Variants in JHY observed in about 807,000 individuals in gnomAD.
JHY encodes jhy protein homolog.
In JHY, 69 loss-of-function variants were observed where a neutral mutation model predicts 78.0. That is an observed-to-expected ratio of 0.88 (90% CI 0.73 to 1.08). The LOEUF is 1.08. JHY is among the 50% of genes least tolerant of loss of function. The pLI is 0.00. For synonymous variants in JHY, 368 were observed against 342.6 expected (o/e 1.07, Z -0.82); for missense variants, 944 against 927.8 (o/e 1.02, Z -0.23).
intron 3 of JHY, among the ~76,000 whole-genome samples, chr11:122,908,961 C>A (rs527873561): frequency 2.0e-5 from 3 of 152,274 alleles, no homozygotes; most frequent in African/African-American, 4.8e-5. Flanking sequence ...TATAAATGAA[C>A]AATTCACAGA....
chr11:122,927,867 A>C (rs1863544495), intron 4 of JHY, among the ~76,000 whole-genome samples: 1 of 151,226 alleles, frequency 6.6e-6, no homozygotes, highest in Non-Finnish European at 1.5e-5. Context: ...AGTAGCTGGG[A>C]TTACAGGCAC....
intron 3 of JHY, among the ~76,000 whole-genome samples, chr11:122,911,745 A>G (rs985914442): frequency 1.3e-5 from 2 of 151,716 alleles, no homozygotes; most frequent in African/African-American, 2.4e-5. Flanking sequence ...ATCTCTACTA[A>G]AAATACAAAA....
intron 2 of JHY, among the ~76,000 whole-genome samples, chr11:122,895,587 A>T (rs1212424800): frequency 6.6e-6 from 1 of 152,210 alleles, no homozygotes; most frequent in Non-Finnish European, 1.5e-5. Flanking sequence ...TGGCATATGC[A>T]TGTGAAACCG....
chr11:122,897,216 T>C (rs1035237234), intron 2 of JHY, among the ~76,000 whole-genome samples: 1 of 152,062 alleles, frequency 6.6e-6, no homozygotes, highest in Admixed American at 6.6e-5. Flanking sequence ...GTACTATTAT[T>C]ATTTTTTTAA....
chr11:122,904,111 A>G lies in JHY; in HGVS notation c.531A>G (p.Lys177=), dbSNP rs201670330. The part of the protein sequence containing the change: ...QETSMELSGG[K]GEQKESPQSA... ...CGTCAATGGAACTCTCCGGGGGAAA[A>G]GGCGAGCAGAAAGAGAGTCCACAGA... Residue 177 remains lysine (K), a synonymous_variant, in exon 3 of 9, where the codon AAA becomes AAG. Transcript: ENST00000227349. 3.7e-6 allele frequency: 6 copies of G among 1,614,096 alleles called. No homozygotes were observed. Among genetic ancestry groups the G allele is most frequent in the Non-Finnish European group, 4.2e-6 (5 of 1,180,026 alleles).
At chr11:122,957,811 T>TCA (rs113733119) in intron 8 of JHY, among the ~76,000 whole-genome samples, 8,027 of 149,764 alleles carry the variant, frequency 0.054, 496 homozygotes, top group African/African-American at 0.15. Context: ...ACACACACAG[T>TCA]CACACACACA....
chr11:122,956,381 C>A, intron 6 of JHY, 115 bp from the exon 7 acceptor site: 2 of 768,202 alleles, frequency 2.6e-6, no homozygotes, highest in Non-Finnish European at 4.1e-6. Flanking sequence ...ACAGTGCACA[C>A]AGGCTTTCAT....
In JHY at chr11:122,959,467, A is replaced by T. The variant is rs1591404721; in HGVS notation, c.*22A>T. Reference sequence around the variant, plus strand: ...ATAGACAACATTTGATAGGAAGGAGACCAAAAATGGTCCAGGAATGAACGT... The same window carrying T: ...ATAGACAACATTTGATAGGAAGGAGTCCAAAAATGGTCCAGGAATGAACGT... On this transcript the variant is annotated 3_prime_UTR_variant, in exon 9 of 9. Transcript: ENST00000227349. 2.5e-6 allele frequency: 4 copies of T among 1,609,036 alleles called. No homozygotes were observed. The East Asian group carries it at 8.9e-5, about 36-fold the overall frequency.
At chr11:122,946,988 G>A (rs941096954) in intron 6 of JHY, 196 bp downstream of exon 6, 3 of 556,310 alleles carry the variant, frequency 5.4e-6, no homozygotes, top group Middle Eastern at 4.8e-4. Context: ...AATAGAAGTT[G>A]TTGCTGCCAG....
At chr11:122,925,045 A>G in intron 4 of JHY, 35 bp downstream of exon 4, 1 of 1,442,410 alleles carries the variant, frequency 6.9e-7, no homozygotes, top group Non-Finnish European at 9.8e-7. Flanking sequence ...GTGTGTTTCA[A>G]GCGATACTGC....
chr11:122,950,832 A>G (rs993990948), intron 6 of JHY, among the ~76,000 whole-genome samples: 3 of 152,152 alleles, frequency 2.0e-5, no homozygotes, highest in African/African-American at 7.2e-5. Flanking sequence ...GTCAGGGGAG[A>G]GGAAGGAAAA....
chr11:122,925,903 G>A (rs1158700521), intron 4 of JHY, among the ~76,000 whole-genome samples: 2 of 152,058 alleles, frequency 1.3e-5, no homozygotes, highest in African/African-American at 4.8e-5. Flanking sequence ...TATAGTTCCA[G>A]CTATTCAGGA....
chr11:122,951,299 C>T (rs569699131), intron 6 of JHY, among the ~76,000 whole-genome samples: 13 of 152,254 alleles, frequency 8.5e-5, no homozygotes, highest in Middle Eastern at 3.4e-3. Context: ...GGATGGCAAA[C>T]AGTATAAAAA....
rs1377023259 is a variant in JHY, at chr11:122,963,000, A to AG, written c.*3555_*3556insG. Among the ~76,000 whole-genome samples, 1 of 152,050 alleles carries AG rather than the reference A, an allele frequency of 6.6e-6. No homozygotes were observed. Among genetic ancestry groups the AG allele is most frequent in the Non-Finnish European group, 1.5e-5 (1 of 67,986 alleles). ...ATTTCTATTTTGGACCTGAATTTCCACCAAGTTCAATTTTTAGAAATATGC... is the reference window on the plus strand; with the variant it reads ...ATTTCTATTTTGGACCTGAATTTCCAGCCAAGTTCAATTTTTAGAAATATGC... On this transcript the variant is annotated 3_prime_UTR_variant, in exon 9 of 9. Coordinates refer to ENST00000227349, the MANE Select transcript of JHY (RefSeq NM_024806.4).
At chr11:122,897,953 A>G (rs1326261148) in intron 2 of JHY, among the ~76,000 whole-genome samples, 1 of 152,238 alleles carries the variant, frequency 6.6e-6, no homozygotes, top group Admixed American at 6.5e-5. Context: ...CTATCATAGG[A>G]TCATAGAACA....
chr11:122,908,338 A>T (rs1484301664), intron 3 of JHY, among the ~76,000 whole-genome samples: 1 of 152,220 alleles, frequency 6.6e-6, no homozygotes, highest in African/African-American at 2.4e-5. Context: ...TGCTGCTGCC[A>T]TCAGGCCTAC....
Position 122,902,021 on chromosome 11 carries a change from G to A in JHY, c.345-1904G>A, listed in dbSNP as rs118081542. On this transcript the variant is annotated intron_variant, in intron 2 of 8. Coordinates refer to ENST00000227349, the MANE Select transcript of JHY (RefSeq NM_024806.4). ...CGTGTCTCACTGGAAGGTCTTCAGG[G>A]GCAGTAACACATACGGAGCTGTCAT... is the stretch of plus-strand genomic sequence containing the variant. Among the ~76,000 whole-genome samples the A allele has an allele frequency of 6.9e-3, 1,050 of 152,056 alleles. 10 individuals are homozygous for A. The highest frequency in any genetic ancestry group is 0.013 in the Non-Finnish European group (869 of 67,984).
At chr11:122,916,998 T>C (rs912435589) in intron 3 of JHY, among the ~76,000 whole-genome samples, 9 of 152,066 alleles carry the variant, frequency 5.9e-5, no homozygotes, top group African/African-American at 2.2e-4. Context: ...ACATGTTATT[T>C]TGCCATTTGC....
Position 122,904,225 on chromosome 11 carries a change from CAGTG to C in JHY, c.647_650del (p.Ser216ThrfsTer13), listed in dbSNP as rs779669525. 5.3e-5 allele frequency: 86 copies of C among 1,614,194 alleles called. No individual in the cohort carries two copies. The highest frequency in any genetic ancestry group is 7.2e-5 in the Non-Finnish European group (85 of 1,180,040). Reference sequence around the variant, plus strand: ...GCAAGCCGTTTTCAGAGCTGAGCGACAGTGACCTGGAGGAGAAGTCGAGCAGCCT... The same window carrying C: ...GCAAGCCGTTTTCAGAGCTGAGCGACACCTGGAGGAGAAGTCGAGCAGCCT... On this transcript the variant is annotated frameshift_variant, in exon 3 of 9. Coordinates refer to ENST00000227349, the MANE Select transcript of JHY (RefSeq NM_024806.4). LOFTEE classifies it high-confidence loss of function.
Sources: gnomAD v4.1 joint callset for allele counts (sites outside exome capture counted in the v4.1 genomes callset) on GRCh38, gnomAD v4.1.1 for gene constraint, MANE v1.5 for transcripts, NCBI Gene and HGNC (gene_info 2026-07-23, HGNC 2026-07-21) for gene names.